The following NBAS variants were observed in gnomAD, a reference collection of about 807,000 sequenced individuals.
NBAS encodes the protein NAG/BC035112 fusion.
A neutral mutation model predicts 302.5 loss-of-function variants in NBAS; 219 were observed. That is an observed-to-expected ratio of 0.72 (90% CI 0.65 to 0.81). The LOEUF (loss-of-function observed/expected upper bound fraction) is 0.81. Among genes scored for constraint, NBAS ranks in the 30% least tolerant of loss-of-function variants. The pLI is 0.00. For missense variants in NBAS, 2,932 were observed against 2,841.6 expected, an observed-to-expected ratio of 1.03 and a Z score of -0.72; for synonymous variants, 1,118 against 1,021.6, an observed-to-expected ratio of 1.09 and a Z score of -1.80.
At chr2:14,944,797 TC>T in the NBAS span, among the ~76,000 whole-genome samples, 2 of 151,074 alleles carry the variant, frequency 1.3e-5, no homozygotes. Flanking sequence ...ACAATGTCCC[TC>T]CCCCCATTCT....
the NBAS span, among the ~76,000 whole-genome samples, chr2:14,905,188 A>G: frequency 6.6e-6 from 1 of 152,216 alleles, no homozygotes; most frequent in Non-Finnish European, 1.5e-5. Flanking sequence ...TCCTCTGGCA[A>G]CATCTTCACA....
the NBAS span, among the ~76,000 whole-genome samples, chr2:15,081,634 T>A: frequency 3.9e-5 from 6 of 152,170 alleles, no homozygotes; most frequent in Non-Finnish European, 8.8e-5. Context: ...CTTTTTTCAC[T>A]AGAAAGAGAT....
intron 35 of NBAS, among the ~76,000 whole-genome samples, chr2:15,349,129 GATGTTTGAAAGGC>G (rs1260589524): frequency 2.0e-5 from 3 of 152,198 alleles, no homozygotes; most frequent in Non-Finnish European, 4.4e-5. Flanking sequence ...GAACATAACA[GATGTTTGAAAGGC>G]ATGAAAAGGG....
chr2:15,548,210 G>A (rs1380462980), intron 6 of NBAS, among the ~76,000 whole-genome samples: 3 of 152,142 alleles, frequency 2.0e-5, no homozygotes, highest in Admixed American at 6.5e-5. Context: ...CACTTGATAC[G>A]GTCAAAAATT....
intron 25 of NBAS, among the ~76,000 whole-genome samples, chr2:15,404,322 A>G (rs1036009570): frequency 2.0e-5 from 3 of 152,064 alleles, no homozygotes. Flanking sequence ...TTGAGAGAAG[A>G]TATGGCAATA....
Position 15,260,822 on chromosome 2 carries a change from T to C in NBAS, c.5724+14662A>G, listed in dbSNP as rs956112515. Among the ~76,000 whole-genome samples the C allele has an allele frequency of 4.6e-5, 7 of 152,136 alleles. No individual in the cohort carries two copies. The East Asian group carries it at 1.2e-3, about 25-fold the overall frequency. The stretch of plus-strand genomic sequence containing the variant: ...TCAAAAGTCAATTATTATACATATA[T>C]ATACACAGACATATTTGCATATACT... On this transcript the variant is annotated intron_variant, in intron 44 of 51. Transcript: ENST00000281513.
chr2:15,251,564 C>T, intron 44 of NBAS, among the ~76,000 whole-genome samples: 1 of 152,092 alleles, frequency 6.6e-6, no homozygotes. Flanking sequence ...CTGCTAATTG[C>T]CCATTTTAAT....
chr2:15,056,990 G>A, the NBAS span, among the ~76,000 whole-genome samples: 11 of 151,804 alleles, frequency 7.2e-5, no homozygotes, highest in South Asian at 1.5e-3. Context: ...CACCACGCCC[G>A]GCTAATTTTT....
chr2:14,978,775 C>T, the NBAS span, among the ~76,000 whole-genome samples: 13 of 152,098 alleles, frequency 8.5e-5, no homozygotes, highest in East Asian at 3.9e-4. Context: ...ATTGCATTAC[C>T]GTAAAACCCA....
intron 31 of NBAS, among the ~76,000 whole-genome samples, chr2:15,371,294 C>CT (rs1674471829): frequency 1.3e-5 from 2 of 151,878 alleles, no homozygotes; most frequent in Admixed American, 6.5e-5. Flanking sequence ...AACCTCTTAC[C>CT]TTTATAAATT....
At chr2:15,334,155 T>G (rs1036788569) in intron 35 of NBAS, among the ~76,000 whole-genome samples, 7 of 151,620 alleles carry the variant, frequency 4.6e-5, no homozygotes, top group Non-Finnish European at 7.4e-5. Flanking sequence ...TACAGACAAC[T>G]GGCCTAGAGG....
intron 22 of NBAS, 132 bp from the exon 23 acceptor site, chr2:15,424,600 T>A (rs956740088): frequency 2.9e-5 from 28 of 974,388 alleles, no homozygotes; most frequent in Non-Finnish European, 4.4e-5. Context: ...GTGGTTTGTG[T>A]ATCTATCACA....
At chr2:15,041,729 C>T in the NBAS span, among the ~76,000 whole-genome samples, 4 of 152,334 alleles carry the variant, frequency 2.6e-5, no homozygotes, top group African/African-American at 9.6e-5. Context: ...GCCACTCTAC[C>T]CGGCAGCTGT....
intron 48 of NBAS, among the ~76,000 whole-genome samples, chr2:15,210,654 A>G (rs1342404423): frequency 6.6e-6 from 1 of 152,204 alleles, no homozygotes; most frequent in East Asian, 1.9e-4. Context: ...TCAGTGTATC[A>G]AAGAGATAGC....
intron 42 of NBAS, among the ~76,000 whole-genome samples, chr2:15,277,499 C>T (rs1185853647): frequency 6.6e-6 from 1 of 152,146 alleles, no homozygotes; most frequent in Non-Finnish European, 1.5e-5. Context: ...GAAACATAAA[C>T]AGCCTTATTA....
the NBAS span, among the ~76,000 whole-genome samples, chr2:14,901,632 G>A: frequency 6.6e-6 from 1 of 151,902 alleles, no homozygotes; most frequent in Non-Finnish European, 1.5e-5. Context: ...AAAATGAGGG[G>A]AAATAACTTA....
the NBAS span, among the ~76,000 whole-genome samples, chr2:14,930,375 G>C: frequency 2.0e-5 from 3 of 152,192 alleles, no homozygotes; most frequent in Admixed American, 6.5e-5. Context: ...TGGAAGCATG[G>C]AATAGGATGA....
At chr2:15,089,003 G>T in the NBAS span, among the ~76,000 whole-genome samples, 123 of 152,280 alleles carry the variant, frequency 8.1e-4, 1 homozygote, top group African/African-American at 2.9e-3. Flanking sequence ...CATCCCTGCA[G>T]CCTCCTGGCC....
chr2:15,383,116 A>G (rs1360206767), intron 29 of NBAS, 99 bp downstream of exon 29: 1 of 973,986 alleles, frequency 1.0e-6, no homozygotes, highest in Non-Finnish European at 1.6e-6. Flanking sequence ...AAATAATATT[A>G]CTTCCAGGGT....
Sources: allele counts gnomAD v4.1 joint callset (sites outside exome capture counted in the v4.1 genomes callset), GRCh38; gene constraint gnomAD v4.1.1; transcripts MANE v1.5; gene names NCBI Gene and HGNC (gene_info 2026-07-23, HGNC 2026-07-21).